Variants in MRM3 observed in about 807,000 individuals in gnomAD.
MRM3 encodes rRNA methyltransferase 3, mitochondrial.
MRM3 carries 26 observed loss-of-function variants against 29.4 expected under a neutral mutation model. The ratio of observed to expected loss-of-function variants is 0.89; its 90% CI spans 0.65 to 1.23. The LOEUF is 1.23. MRM3 is among the 50% of genes most tolerant of loss of function. The pLI is 0.00. For missense variants in MRM3, 578 were observed against 540.2 expected (o/e 1.07, Z -0.69); for synonymous variants, 225 against 219.0 (o/e 1.03, Z -0.24).
At chr17:789,167 G>A (rs1442181821) in intron 3 of MRM3, among the ~76,000 whole-genome samples, 1 of 152,154 alleles carries the variant, frequency 6.6e-6, no homozygotes, top group East Asian at 1.9e-4. Context: ...CTGCTAGGCT[G>A]TTAGAGAACT....
intron 1 of MRM3, 89 bp downstream of exon 1, chr17:782,781 T>C: frequency 7.4e-7 from 1 of 1,355,038 alleles, no homozygotes; most frequent in East Asian, 2.4e-5. Context: ...GAGGACTTCT[T>C]CCAGTACAGC....
chr17:782,572 C>T lies in MRM3; in HGVS notation c.194C>T (p.Ala65Val), dbSNP rs756246672. The change falls in exon 1 of 4, where the codon GCC becomes GTC. Residue 65 changes from alanine (A) to valine (V), a missense_variant. Ala to Val is a moderately conservative substitution (Grantham distance 64). Transcript: ENST00000304478. The stretch of plus-strand genomic sequence containing the variant: ...CAGCCCCGCAAGGCACCATCTGAGG[C>T]CAGTGCCCAGGAGCAACGAGAGAAA... The part of the protein sequence containing the change: ...GKQPRKAPSE[A>V]SAQEQREKQP... 2 of 1,614,084 alleles carry T rather than the reference C, an allele frequency of 1.2e-6. No individual in the cohort carries two copies. Among genetic ancestry groups the T allele is most frequent in the Admixed American group, 1.7e-5 (1 of 60,022 alleles).
Position 787,313 on chromosome 17 carries a change from T to C in MRM3, c.560-652T>C, listed in dbSNP as rs1325547321. Among the ~76,000 whole-genome samples, 1 of 152,102 alleles carries C rather than the reference T, an allele frequency of 6.6e-6. No individual in the cohort carries two copies. Among genetic ancestry groups the C allele is most frequent in the Non-Finnish European group, 1.5e-5 (1 of 68,012 alleles). ...AGTAGCTTCAAACATATTGACATGG[T>C]AAGTTCAAGATATATTGTTGCGTAA... On this transcript the variant is annotated intron_variant, in intron 2 of 3. Transcript: ENST00000304478. This position sits in a 1 kb window ranked among gnomAD's most constrained non-coding sequence, Gnocchi z 4.1.
At position 788,943 on chromosome 17, in the gene MRM3, C is replaced by T. The variant is rs191335082; in HGVS notation, c.727+811C>T. Among the ~76,000 whole-genome samples, 284 of 152,310 alleles carry T rather than the reference C, an allele frequency of 1.9e-3. 2 individuals carry two copies. The highest frequency in any genetic ancestry group is 6.6e-3 in the African/African-American group (273 of 41,570). ...GATGATGCACAGAAGTTACTTCATA[C>T]CTTACCTGCCTCACGAGTAATTCAG... On this transcript the variant is annotated intron_variant, in intron 3 of 3. Transcript: ENST00000304478.
rs983261214 is a variant in MRM3 at position 782,434 on chromosome 17, T to C, written c.56T>C (p.Val19Ala). The C allele has an allele frequency of 6.2e-7, 1 of 1,613,900 alleles. No individual in the cohort carries two copies. Among genetic ancestry groups the C allele is most frequent in the Non-Finnish European group, 8.5e-7 (1 of 1,180,008 alleles). ...GTCGTGCGACCGTTGCTGCAGGTGG[T>C]CCAGGCTTGGGACCTTGACGCGAGG... ...RFVVRPLLQV[V>A]QAWDLDARRW... Residue 19 changes from valine (V) to alanine (A), a missense_variant, in exon 1 of 4, where the codon GTC becomes GCC. Physicochemically the swap from Val to Ala is moderately conservative, Grantham distance 64 (BLOSUM62 0). Transcript: ENST00000304478.
At chr17:788,308 C>G (rs185564526) in intron 3 of MRM3, 176 bp downstream of exon 3, 10 of 592,882 alleles carry the variant, frequency 1.7e-5, no homozygotes, top group Admixed American at 1.6e-4. Context: ...TGTGCCTGTA[C>G]TCAGTCCCAG....
chr17:783,772 T>A (rs1156906767), intron 2 of MRM3, among the ~76,000 whole-genome samples: 1 of 152,232 alleles, frequency 6.6e-6, no homozygotes, highest in African/African-American at 2.4e-5. Context: ...CTTAGAGTAT[T>A]TTCAATGGAA....
intron 2 of MRM3, among the ~76,000 whole-genome samples, chr17:785,225 A>G (rs1479889345): frequency 3.3e-5 from 5 of 152,184 alleles, no homozygotes; most frequent in African/African-American, 1.2e-4. Flanking sequence ...TGGTGATTCA[A>G]AAAGAAACTT....
intron 2 of MRM3, 170 bp downstream of exon 2, chr17:783,497 C>A (rs150723743): frequency 0.015 from 8,658 of 594,742 alleles, 99 homozygotes; most frequent in Middle Eastern, 0.021. Context: ...CCACCATGCC[C>A]GGGTGATTTT....
Position 791,638 on chromosome 17 carries a change from C to T in MRM3, c.832C>T (p.Leu278=). The stretch of plus-strand genomic sequence containing the variant: ...GGAATGGGAAACCGTGCCCAATTAC[C>T]TGCCCCCTGACACTCGGGTCTATGT... ...NLEWETVPNY[L]PPDTRVYVAD... is the part of the protein sequence containing the mutation. The change falls in exon 4 of 4, where the codon CTG becomes TTG. Residue 278 remains leucine, a synonymous_variant. Coordinates refer to ENST00000304478, the MANE Select transcript of MRM3 (RefSeq NM_018146.4). 6.2e-7 allele frequency: 1 copy of T among 1,614,248 alleles called. No homozygotes were observed. The highest frequency in any genetic ancestry group is 8.5e-7 in the Non-Finnish European group (1 of 1,180,044).
rs3833168 is a variant in MRM3 at position 791,518 on chromosome 17, C to CCTGT, written c.728-14_728-13insGTCT. On this transcript the variant is annotated splice_polypyrimidine_tract_variant and intron_variant, in intron 3 of 3. Transcript: ENST00000304478. Reference sequence around the variant, plus strand: ...AAGATTTGTAACATCTTGATTGTTTCCTTTTTATTTTCCAGGCTGTGTGGA... The same window carrying CCTGT: ...AAGATTTGTAACATCTTGATTGTTTCCTGTCTTTTTATTTTCCAGGCTGTGTGGA... 29,981 of 1,607,170 alleles carry CCTGT rather than the reference C, an allele frequency of 0.019. 375 individuals are homozygous for CCTGT. The highest frequency in any genetic ancestry group is 0.07 in the East Asian group (3,116 of 44,768).
rs1363182093 is a variant in MRM3 at position 790,583 on chromosome 17, A to ACCC, written c.728-951_728-950insCCC. The ACCC allele has an allele frequency of 3.5e-3, 586 of 167,576 alleles. 2 individuals are homozygous for ACCC. Among genetic ancestry groups the ACCC allele is most frequent in the Middle Eastern group, 9.2e-3 (3 of 326 alleles). The allele number at this position is 167,576 out of a possible 1,614,324, so 10.4% of individuals were successfully genotyped here. The stretch of plus-strand genomic sequence containing the variant: ...GCTGGCTCACCTCCTGTGCCGCCAC[A>ACCC]GCGCCACCGCTGATTGGCCGGCTCA... On this transcript the variant is annotated intron_variant, in intron 3 of 3. Transcript: ENST00000304478.
rs758902173 is a variant in MRM3, at chr17:783,133, A to G, written c.365A>G (p.Lys122Arg). ...AGGCCATTTCGGGAAAAACAAGGGA[A>G]GATCCTGCTGGAAGGTCGCAGGCTC... is the stretch of plus-strand genomic sequence containing the variant. ...KSRPFREKQGKILLEGRRLIS... is the reference protein window; with the variant it reads ...KSRPFREKQGRILLEGRRLIS... Residue 122 changes from lysine to arginine, a missense_variant, in exon 2 of 4, where the codon AAG becomes AGG. By Grantham distance (26) the Lys-to-Arg change is conservative (BLOSUM62 2). Coordinates refer to ENST00000304478, the MANE Select transcript of MRM3 (RefSeq NM_018146.4). 1 of 1,614,128 alleles carries G rather than the reference A, an allele frequency of 6.2e-7. No homozygotes were observed. Among genetic ancestry groups the G allele is most frequent in the South Asian group, 1.1e-5 (1 of 91,088 alleles).
chr17:792,116 C>T lies in MRM3; in HGVS notation c.*47C>T, dbSNP rs2144533204. 2 of 1,529,508 alleles carry T rather than the reference C, an allele frequency of 1.3e-6. No individual in the cohort carries two copies. Among genetic ancestry groups the T allele is most frequent in the East Asian group, 4.5e-5 (2 of 44,128 alleles). 94.7% of individuals were successfully genotyped at this position (1,529,508 alleles called of 1,614,324 possible). ...TTGAGGACGTCTGCAGCTCCTCCTA[C>T]ACCAGCACACTGGTGGGAGGCTGGC... On this transcript the variant is annotated 3_prime_UTR_variant, in exon 4 of 4. Coordinates refer to ENST00000304478, the MANE Select transcript of MRM3 (RefSeq NM_018146.4).
At chr17:791,067 T>C (rs933183341) in intron 3 of MRM3, among the ~76,000 whole-genome samples, 1 of 152,182 alleles carries the variant, frequency 6.6e-6, no homozygotes, top group African/African-American at 2.4e-5. Flanking sequence ...ACTCTCCCGC[T>C]TCCTCTCCTA....
chr17:791,490 G>C lies in MRM3; in HGVS notation c.728-44G>C, dbSNP rs747055608. On this transcript the variant is annotated intron_variant, in intron 3 of 3. Coordinates refer to ENST00000304478, the MANE Select transcript of MRM3 (RefSeq NM_018146.4). ...GACTTACTCCACAGTCCCCTGGTCT[G>C]GGAAGATTTGTAACATCTTGATTGT... The C allele has an allele frequency of 4.4e-6, 7 of 1,580,530 alleles. No homozygotes were observed. In the Admixed American group the frequency reaches 1.2e-4, roughly 27 times the overall value.
chr17:783,457 C>T, intron 2 of MRM3, 130 bp downstream of exon 2: 1 of 911,728 alleles, frequency 1.1e-6, no homozygotes, highest in Admixed American at 3.0e-5. Flanking sequence ...TTGCCTCAGC[C>T]TCCGCAGTAG....
Position 783,347 on chromosome 17 carries a change from A to ATT in MRM3, c.559+21_559+22insTT, listed in dbSNP as rs750093342. On this transcript the variant is annotated intron_variant, in intron 2 of 3. Coordinates refer to ENST00000304478, the MANE Select transcript of MRM3 (RefSeq NM_018146.4). ...TAATGGGTTAGTGATTACCCAGTGTATCTTTTTTTTTTTTTGTCTTGTTCT... is the reference window on the plus strand; with the variant it reads ...TAATGGGTTAGTGATTACCCAGTGTATTTCTTTTTTTTTTTTTGTCTTGTTCT... 1.4e-6 allele frequency: 2 copies of ATT among 1,444,942 alleles called. No homozygotes were observed. The highest frequency in any genetic ancestry group is 1.3e-5 in the South Asian group (1 of 77,710). The allele number at this position is 1,444,942 out of a possible 1,614,324, so 89.5% of individuals were successfully genotyped here.
intron 1 of MRM3, 141 bp from the exon 2 acceptor site, chr17:782,942 C>T (rs1597592796): frequency 1.6e-5 from 20 of 1,251,376 alleles, no homozygotes; most frequent in African/African-American, 4.5e-5. Context: ...CCCGCCTCGG[C>T]CTCCCAATGT....
Sources: gnomAD v4.1 joint callset for allele counts (sites outside exome capture counted in the v4.1 genomes callset) on GRCh38, gnomAD v4.1.1 for gene constraint, Gnocchi (gnomAD v3.1) non-coding constraint, MANE v1.5 for transcripts, NCBI Gene and HGNC (gene_info 2026-07-23, HGNC 2026-07-21) for gene names.